KIF25: variants seen among roughly 807,000 people sequenced by gnomAD.
KIF25 encodes kinesin family member 25.
In KIF25, 19 loss-of-function variants were observed where a neutral mutation model predicts 32.9. The ratio of observed to expected loss-of-function variants is 0.58; its 90% confidence interval spans 0.40 to 0.85. The LOEUF (loss-of-function observed/expected upper bound fraction) is 0.85. KIF25 is among the 40% of genes least tolerant of loss of function. The pLI, the probability that KIF25 is intolerant of heterozygous loss-of-function variation, is 0.00. For missense variants in KIF25, 485 were observed against 507.0 expected (o/e 0.96, Z 0.42); for synonymous variants, 225 against 213.7 (o/e 1.05, Z -0.46).
At chr6:168,035,396 T>C (rs533290350) in intron 8 of KIF25, among the ~76,000 whole-genome samples, 1 of 17,110 alleles carries the variant, frequency 5.8e-5, no homozygotes, top group South Asian at 2.5e-3. Flanking sequence ...GACGGAAGCA[T>C]ATCCAGGGCG....
Position 168,040,080 on chromosome 6 carries a change from C to G in KIF25, c.510C>G (p.Ala170=). The G allele has an allele frequency of 6.2e-7, 1 of 1,613,330 alleles. No homozygotes were observed. The highest frequency in any genetic ancestry group is 1.1e-5 in the South Asian group (1 of 91,050). The change falls in exon 10 of 13, where the codon GCC becomes GCG. Residue 170 remains alanine, a synonymous_variant. Transcript: ENST00000643607. ...ALLASEAVGS[A]SKLMELVHGG... ...TTGTCTGTAGGGCTGTCGGCAGCGC[C>G]TCGAAACTGATGGAGCTCGTTCATG...
At chr6:168,020,172 G>T (rs1293925677) in intron 5 of KIF25, among the ~76,000 whole-genome samples, 1 of 149,762 alleles carries the variant, frequency 6.7e-6, no homozygotes, top group Non-Finnish European at 1.5e-5. Context: ...AAACACCAGA[G>T]ATAAAATGAC....
intron 8 of KIF25, among the ~76,000 whole-genome samples, chr6:168,035,441 A>AACGGCGCTGCGTGG (rs1562390528): frequency 8.0e-5 from 1 of 12,512 alleles, no homozygotes; most frequent in Admixed American, 1.1e-3. Context: ...GGCGCGGCGG[A>AACGGCGCTGCGTGG]GGAGGCGGGA....
At chr6:168,032,275 G>T (rs1798952635) in intron 7 of KIF25, among the ~76,000 whole-genome samples, 1 of 152,216 alleles carries the variant, frequency 6.6e-6, no homozygotes, top group Non-Finnish European at 1.5e-5. Context: ...CCTTAGAATT[G>T]TGTTTTTGGT....
chr6:168,004,200 G>A (rs1429823961), intron 4 of KIF25, among the ~76,000 whole-genome samples: 3 of 152,192 alleles, frequency 2.0e-5, no homozygotes, highest in Non-Finnish European at 4.4e-5. Context: ...CCTCGCATCT[G>A]GGCCAGGAAA....
In KIF25 at chr6:168,017,299, G is replaced by A. The variant is rs1043657236; in HGVS notation, c.-162-674G>A. ...AAAATCCAGTGCCTCTGGGTTATTCGCCACTGCAGTTGTGGTTTTCATTCT... is the reference window on the plus strand; with the variant it reads ...AAAATCCAGTGCCTCTGGGTTATTCACCACTGCAGTTGTGGTTTTCATTCT... On this transcript the variant is annotated intron_variant, in intron 4 of 12. Coordinates refer to ENST00000643607, the MANE Select transcript of KIF25 (RefSeq NM_030615.4). Among the ~76,000 whole-genome samples the A allele has an allele frequency of 5.3e-5, 8 of 152,280 alleles. No homozygotes were observed. The East Asian group carries it at 1.2e-3, about 22-fold the overall frequency.
intron 7 of KIF25, among the ~76,000 whole-genome samples, chr6:168,033,521 T>C (rs1798971306): frequency 1.4e-5 from 2 of 146,086 alleles, no homozygotes; most frequent in East Asian, 4.0e-4. Flanking sequence ...AAAAAATAGA[T>C]AGTTACAGTG....
intron 4 of KIF25, among the ~76,000 whole-genome samples, chr6:168,005,697 A>C (rs1798570389): frequency 6.6e-6 from 1 of 152,226 alleles, no homozygotes; most frequent in Non-Finnish European, 1.5e-5. Flanking sequence ...GGTAGGAAGC[A>C]TCCAGCACGG....
Position 168,028,540 on chromosome 6 carries a change from C to A in KIF25, c.-94-952C>A, listed in dbSNP as rs143593622. Among the ~76,000 whole-genome samples, 592 of 152,308 alleles carry A rather than the reference C, an allele frequency of 3.9e-3. 4 individuals are homozygous for A. The highest frequency in any genetic ancestry group is 0.014 in the African/African-American group (569 of 41,566). ...GTCTGAGCCCGTCCCATCCCAGTTC[C>A]TCTATTTTCCAGGGCTTCTTTCTAT... On this transcript the variant is annotated intron_variant, in intron 5 of 12. Coordinates refer to ENST00000643607, the MANE Select transcript of KIF25 (RefSeq NM_030615.4).
intron 9 of KIF25, 54 bp from the exon 10 acceptor site, chr6:168,040,011 T>C: frequency 1.3e-6 from 2 of 1,551,292 alleles, no homozygotes; most frequent in South Asian, 1.2e-5. Flanking sequence ...GGAAGTCGCC[T>C]TAGGTAAGGG....
At chr6:168,034,964 C>T (rs978856478) in intron 8 of KIF25, among the ~76,000 whole-genome samples, 1 of 152,128 alleles carries the variant, frequency 6.6e-6, no homozygotes, top group Non-Finnish European at 1.5e-5. Flanking sequence ...TTCGAGCTTG[C>T]ATGGATGGTG....
chr6:168,024,666 A>G (rs1798834993), intron 5 of KIF25, among the ~76,000 whole-genome samples: 1 of 151,892 alleles, frequency 6.6e-6, no homozygotes, highest in Non-Finnish European at 1.5e-5. Flanking sequence ...GAAGAAAGGA[A>G]TGTTCGGGGC....
chr6:168,031,531 G>C (rs1287823476), intron 7 of KIF25, among the ~76,000 whole-genome samples: 2 of 152,202 alleles, frequency 1.3e-5, no homozygotes, highest in African/African-American at 2.4e-5. Flanking sequence ...CAACGAGTAG[G>C]GTCAAGTCAG....
At chr6:168,028,338 T>A (rs1053285454) in intron 5 of KIF25, among the ~76,000 whole-genome samples, 2 of 152,084 alleles carry the variant, frequency 1.3e-5, no homozygotes, top group Non-Finnish European at 2.9e-5. Flanking sequence ...GCGTGAGCCA[T>A]CGTGCCCGGC....
intron 8 of KIF25, among the ~76,000 whole-genome samples, chr6:168,036,553 A>G (rs1212602454): frequency 1.3e-5 from 2 of 152,222 alleles, no homozygotes; most frequent in Non-Finnish European, 2.9e-5. Flanking sequence ...GGTTTTCACC[A>G]TTGTCCCTAG....
At chr6:168,040,802 A>G (rs936115161) in intron 10 of KIF25, among the ~76,000 whole-genome samples, 2 of 152,252 alleles carry the variant, frequency 1.3e-5, no homozygotes, top group African/African-American at 4.8e-5. Context: ...CTTGGAGTAC[A>G]TGCATTTGTC....
chr6:168,029,505 C>T lies in KIF25; in HGVS notation c.-81C>T. 6.4e-7 allele frequency: 1 copy of T among 1,560,810 alleles called. No individual in the cohort carries two copies. The highest frequency in any genetic ancestry group is 8.7e-7 in the Non-Finnish European group (1 of 1,154,684). ...GATCCTTTACAGATATACTGGCCTTCCCAGCTGACATGGACCTCAGGTCAG... is the reference window on the plus strand; with the variant it reads ...GATCCTTTACAGATATACTGGCCTTTCCAGCTGACATGGACCTCAGGTCAG... On this transcript the variant is annotated 5_prime_UTR_variant, in exon 6 of 13. Transcript: ENST00000643607.
chr6:168,006,641 T>A (rs1463962428), intron 4 of KIF25, among the ~76,000 whole-genome samples: 8 of 152,204 alleles, frequency 5.3e-5, no homozygotes, highest in Non-Finnish European at 1.0e-4. Flanking sequence ...GATCACAAGA[T>A]GAATTTAGAA....
At chr6:168,022,206 G>T (rs894872397) in intron 5 of KIF25, among the ~76,000 whole-genome samples, 1 of 151,940 alleles carries the variant, frequency 6.6e-6, no homozygotes, top group Non-Finnish European at 1.5e-5. Context: ...TGAGATGATC[G>T]CCTTCCTTGT....
Sources: allele counts gnomAD v4.1 joint callset (sites outside exome capture counted in the v4.1 genomes callset), GRCh38; gene constraint gnomAD v4.1.1; transcripts MANE v1.5; gene names NCBI Gene and HGNC (gene_info 2026-07-23, HGNC 2026-07-21).